Variants in PPP3CB observed in about 807,000 individuals in gnomAD.
PPP3CB encodes protein phosphatase 3 catalytic subunit beta, also known as serine/threonine-protein phosphatase 2B catalytic subunit beta isoform.
A neutral mutation model predicts 66.4 loss-of-function variants in PPP3CB; 8 were observed. The ratio of observed to expected loss-of-function variants is 0.12; its 90% CI spans 0.07 to 0.22. The LOEUF is 0.22. Among genes scored for constraint, PPP3CB ranks in the 10% least tolerant of loss-of-function variants. PPP3CB has a pLI of 1.00. For missense variants in PPP3CB, 319 were observed against 642.5 expected (o/e 0.50, Z 5.44); for synonymous variants, 208 against 221.2 (o/e 0.94, Z 0.53).
chr10:73,493,203 G>A (rs1434902471), intron 1 of PPP3CB, among the ~76,000 whole-genome samples: 1 of 151,404 alleles, frequency 6.6e-6, no homozygotes, highest in African/African-American at 2.4e-5. Context: ...TTGAACCCAG[G>A]AGGCAGAGGT....
intron 4 of PPP3CB, among the ~76,000 whole-genome samples, chr10:73,472,449 G>T (rs1442592964): frequency 6.6e-6 from 1 of 150,944 alleles, no homozygotes; most frequent in Non-Finnish European, 1.5e-5. Flanking sequence ...GGCCGAGATC[G>T]TGCCACTTGC....
intron 10 of PPP3CB, among the ~76,000 whole-genome samples, chr10:73,452,467 G>A (rs113007191): frequency 0.045 from 6,786 of 152,152 alleles, 456 homozygotes; most frequent in African/African-American, 0.15. Flanking sequence ...AGGCAGAGGC[G>A]GGCCGATCAT....
Sources: allele counts gnomAD v4.1 joint callset (sites outside exome capture counted in the v4.1 genomes callset), GRCh38; gene constraint gnomAD v4.1.1; transcripts MANE v1.5; gene names NCBI Gene and HGNC (gene_info 2026-07-23, HGNC 2026-07-21).